BICD1: variants seen among roughly 807,000 people sequenced by gnomAD.
BICD1 encodes the protein BICD cargo adaptor 1.
Under a neutral mutation model 92.5 loss-of-function variants are expected in BICD1, and 35 were observed. The observed-to-expected ratio is 0.38, with a 90% CI of 0.29 to 0.50. The LOEUF (loss-of-function observed/expected upper bound fraction) is 0.50, where lower values mean the gene tolerates loss of function less well. BICD1 is among the 20% of genes least tolerant of loss of function. The probability of loss-of-function intolerance (pLI) is 0.93; values close to 1 mark genes in which losing one functional copy is unlikely to be tolerated. For missense variants in BICD1, 950 were observed against 1,189.8 expected, an observed-to-expected ratio of 0.80 and a Z score of 2.97; for synonymous variants, 429 against 465.1, an observed-to-expected ratio of 0.92 and a Z score of 1.00.
At chr12:32,338,743 C>T in intron 7 of BICD1, 43 bp from the exon 8 acceptor site, 1 of 1,502,830 alleles carries the variant, frequency 6.7e-7, no homozygotes, top group Non-Finnish European at 8.9e-7. Context: ...TAAAGTAAAA[C>T]TTTTTTGTTT....
chr12:32,324,944 TAAA>T (rs1948742081), intron 4 of BICD1, among the ~76,000 whole-genome samples: 1 of 152,186 alleles, frequency 6.6e-6, no homozygotes, highest in Non-Finnish European at 1.5e-5. Context: ...GGTGAACATC[TAAA>T]GTCCCTCAAA....
intron 2 of BICD1, among the ~76,000 whole-genome samples, chr12:32,237,353 A>T (rs138368113): frequency 6.6e-6 from 1 of 152,336 alleles, no homozygotes; most frequent in African/African-American, 2.4e-5. Context: ...GCTGATAGAG[A>T]AGCTGCAGTA....
intron 2 of BICD1, among the ~76,000 whole-genome samples, chr12:32,269,152 T>A (rs1947074568): frequency 1.3e-5 from 2 of 152,208 alleles, no homozygotes; most frequent in Admixed American, 1.3e-4. Flanking sequence ...CATTATTTTT[T>A]TTTTATTTTC....
chr12:32,193,747 T>C (rs1193505151), intron 1 of BICD1, among the ~76,000 whole-genome samples: 1 of 152,210 alleles, frequency 6.6e-6, no homozygotes, highest in African/African-American at 2.4e-5. Flanking sequence ...CCAAACTAGA[T>C]GGCTTCTTTG....
intron 6 of BICD1, among the ~76,000 whole-genome samples, chr12:32,335,608 TCTCA>T (rs1324675929): frequency 1.5e-5 from 2 of 137,438 alleles, no homozygotes; most frequent in Non-Finnish European, 3.1e-5. Context: ...TGAGATAGGG[TCTCA>T]CTCTGTCACC....
intron 2 of BICD1, among the ~76,000 whole-genome samples, chr12:32,243,804 A>G (rs1044309564): frequency 1.4e-4 from 22 of 152,168 alleles, no homozygotes; most frequent in Non-Finnish European, 1.3e-4. Context: ...CTATAAAAAT[A>G]TAATACTCAT....
intron 2 of BICD1, among the ~76,000 whole-genome samples, chr12:32,240,870 A>G (rs1946217396): frequency 6.6e-6 from 1 of 152,230 alleles, no homozygotes; most frequent in Non-Finnish European, 1.5e-5. Context: ...GGCACTTGCT[A>G]TTAGAACAAA....
rs1326948638 is a variant in BICD1 at position 32,184,521 on chromosome 12, G to A, written c.214-31726G>A. ...AGGCTGCTCTTGAACTCCTGACCTC[G>A]TGATCCACCCACCTCGGCCTCCCAA... On this transcript the variant is annotated intron_variant, in intron 1 of 9. Transcript: ENST00000652176. 2.0e-5 allele frequency among the ~76,000 whole-genome samples: 3 copies of A among 152,098 alleles called. No individual in the cohort carries two copies. The South Asian group carries it at 6.2e-4, about 32-fold the overall frequency.
At chr12:32,295,012 G>C (rs932287738) in intron 3 of BICD1, among the ~76,000 whole-genome samples, 1 of 150,638 alleles carries the variant, frequency 6.6e-6, no homozygotes, top group African/African-American at 2.4e-5. Context: ...AACCCAGGAT[G>C]CGGAGGTTGC....
At chr12:32,267,016 C>T (rs1016656503) in intron 2 of BICD1, among the ~76,000 whole-genome samples, 19 of 152,222 alleles carry the variant, frequency 1.2e-4, no homozygotes, top group Non-Finnish European at 8.8e-5. Flanking sequence ...GTCCCCATTA[C>T]GCTCATGGTT....
At chr12:32,346,329 CA>C (rs1297947022) in intron 8 of BICD1, among the ~76,000 whole-genome samples, 1 of 150,482 alleles carries the variant, frequency 6.6e-6, no homozygotes, top group East Asian at 2.0e-4. Flanking sequence ...CCAGCCTGGG[CA>C]TCATGGTGAA....
intron 1 of BICD1, among the ~76,000 whole-genome samples, chr12:32,211,630 C>T (rs1406352334): frequency 6.6e-6 from 1 of 151,338 alleles, no homozygotes; most frequent in Non-Finnish European, 1.5e-5. Flanking sequence ...TGCTTTTACT[C>T]AGGCAGAGTG....
intron 2 of BICD1, among the ~76,000 whole-genome samples, chr12:32,273,370 A>C (rs1444493082): frequency 2.0e-5 from 3 of 152,230 alleles, no homozygotes; most frequent in East Asian, 3.8e-4. Context: ...ACTGGAGGAT[A>C]AGGTACAGCG....
chr12:32,337,478 A>G lies in BICD1; in HGVS notation c.2253-21A>G. 1.3e-6 allele frequency: 2 copies of G among 1,590,668 alleles called. No individual in the cohort carries two copies. The highest frequency in any genetic ancestry group is 8.6e-7 in the Non-Finnish European group (1 of 1,161,734). On this transcript the variant is annotated intron_variant, in intron 6 of 9. Transcript: ENST00000652176. The surrounding 1 kb of genome is among the most constrained non-coding windows in gnomAD (Gnocchi z 4.7). ...GTTTCACCAAGATTTTCCTCTGACC[A>G]CTTCTCTGTTTTGGTTCCAGATGTG...
At chr12:32,232,529 T>G (rs2121583541) in intron 2 of BICD1, among the ~76,000 whole-genome samples, 1 of 148,236 alleles carries the variant, frequency 6.7e-6, no homozygotes, top group East Asian at 1.9e-4. Context: ...TTTCTCCCAT[T>G]TTGTAGGTTG....
intron 1 of BICD1, among the ~76,000 whole-genome samples, chr12:32,210,165 G>A (rs1197835568): frequency 6.6e-6 from 1 of 151,752 alleles, no homozygotes; most frequent in Non-Finnish European, 1.5e-5. Context: ...AATCCTCAGT[G>A]CCTAAAGCAG....
At chr12:32,191,871 C>T (rs1374968882) in intron 1 of BICD1, among the ~76,000 whole-genome samples, 2 of 151,788 alleles carry the variant, frequency 1.3e-5, no homozygotes, top group African/African-American at 4.8e-5. Context: ...TTCTGACTGG[C>T]CTTTCCCTCT....
At chr12:32,155,720 G>A (rs191588830) in intron 1 of BICD1, among the ~76,000 whole-genome samples, 6 of 152,152 alleles carry the variant, frequency 3.9e-5, no homozygotes, top group African/African-American at 1.4e-4. Flanking sequence ...GATTTCAGTT[G>A]CATTAAAACA....
chr12:32,194,817 C>T lies in BICD1; in HGVS notation c.214-21430C>T, dbSNP rs531364642. On this transcript the variant is annotated intron_variant, in intron 1 of 9. Transcript: ENST00000652176. ...AGAATCGCTTGAACCGGGAGGTGGA[C>T]GTTGCGGTGAGCCGAGATCATGCCA... Among the ~76,000 whole-genome samples the T allele has an allele frequency of 3.9e-4, 59 of 152,036 alleles. 1 individual carries two copies. Among genetic ancestry groups the T allele is most frequent in the African/African-American group, 1.3e-3 (54 of 41,478 alleles).
Sources: allele counts gnomAD v4.1 joint callset (sites outside exome capture counted in the v4.1 genomes callset), GRCh38; gene constraint gnomAD v4.1.1; non-coding constraint Gnocchi (gnomAD v3.1); transcripts MANE v1.5; gene names NCBI Gene and HGNC (gene_info 2026-07-23, HGNC 2026-07-21).